The following DSCAM variants were observed in gnomAD, a reference collection of about 807,000 sequenced individuals.
The protein encoded by DSCAM is cell adhesion molecule DSCAM.
Under a neutral mutation model 217.7 loss-of-function variants are expected in DSCAM, and 47 were observed. The observed-to-expected ratio is 0.22, with a 90% confidence interval of 0.17 to 0.28. The LOEUF (loss-of-function observed/expected upper bound fraction) is 0.28. Ranked by LOEUF, DSCAM falls within the 10% of genes least tolerant of loss-of-function variation. The pLI, the probability that DSCAM is intolerant of heterozygous loss-of-function variation, is 1.00. For missense variants in DSCAM, 2,080 were observed against 2,618.3 expected (o/e 0.79, Z 4.49); for synonymous variants, 1,056 against 1,015.3 (o/e 1.04, Z -0.76).
chr21:40,244,739 C>A (rs2073199671), intron 11 of DSCAM, among the ~76,000 whole-genome samples: 1 of 152,088 alleles, frequency 6.6e-6, no homozygotes, highest in South Asian at 2.1e-4. Flanking sequence ...GAAACGTGAG[C>A]CAGAAAAGCC....
At chr21:40,370,984 T>C (rs2074891970) in intron 3 of DSCAM, among the ~76,000 whole-genome samples, 1 of 152,006 alleles carries the variant, frequency 6.6e-6, no homozygotes, top group Non-Finnish European at 1.5e-5. Context: ...TAGGAGTAAT[T>C]CCAAAGAACA....
chr21:40,609,861 T>C (rs1339799872), intron 3 of DSCAM, among the ~76,000 whole-genome samples: 3 of 152,200 alleles, frequency 2.0e-5, no homozygotes, highest in Non-Finnish European at 4.4e-5. Context: ...GGGCAGATGG[T>C]GGTGAGACTA....
At chr21:40,246,376 A>G (rs1419633406) in intron 11 of DSCAM, among the ~76,000 whole-genome samples, 4 of 147,182 alleles carry the variant, frequency 2.7e-5, no homozygotes, top group Admixed American at 6.8e-5. Flanking sequence ...AAAAAAAAAA[A>G]AAAAAAAAAA....
chr21:40,423,851 C>A (rs2075448015), intron 3 of DSCAM, among the ~76,000 whole-genome samples: 1 of 152,082 alleles, frequency 6.6e-6, no homozygotes, highest in Non-Finnish European at 1.5e-5. Flanking sequence ...TGCTATCAGT[C>A]TTAATGGGCA....
chr21:40,698,636 G>A (rs912112774), intron 2 of DSCAM, among the ~76,000 whole-genome samples: 5 of 152,110 alleles, frequency 3.3e-5, no homozygotes, highest in Admixed American at 6.5e-5. Context: ...TTGTGAGGCC[G>A]AGGTGGGCAG....
intron 3 of DSCAM, among the ~76,000 whole-genome samples, chr21:40,604,038 C>T (rs995426553): frequency 1.4e-5 from 2 of 146,186 alleles, no homozygotes; most frequent in African/African-American, 2.5e-5. Context: ...GCTCCCTTTT[C>T]TCCTTTTTCT....
chr21:40,736,697 G>A (rs1382784025), intron 1 of DSCAM, among the ~76,000 whole-genome samples: 4 of 152,186 alleles, frequency 2.6e-5, no homozygotes, highest in Non-Finnish European at 5.9e-5. Flanking sequence ...AGGAGCTCCT[G>A]TGTCAAGAAC....
chr21:40,598,969 C>G (rs2077042552), intron 3 of DSCAM, among the ~76,000 whole-genome samples: 1 of 152,134 alleles, frequency 6.6e-6, no homozygotes, highest in African/African-American at 2.4e-5. Flanking sequence ...ATCATCTTTT[C>G]ATATCTTTAT....
intron 1 of DSCAM, among the ~76,000 whole-genome samples, chr21:40,834,320 C>T (rs58485572): frequency 0.12 from 18,269 of 150,698 alleles, 1,165 homozygotes; most frequent in Admixed American, 0.17. Context: ...GGCAGGAGAA[C>T]GGCATGAACC....
intron 11 of DSCAM, among the ~76,000 whole-genome samples, chr21:40,240,993 T>C (rs1350552705): frequency 1.3e-5 from 2 of 152,176 alleles, no homozygotes; most frequent in African/African-American, 4.8e-5. Flanking sequence ...CAACTCCAGA[T>C]GGATTAAAGA....
chr21:40,182,397 G>T (rs1246490217), intron 14 of DSCAM, among the ~76,000 whole-genome samples: 2 of 151,974 alleles, frequency 1.3e-5, no homozygotes, highest in African/African-American at 4.8e-5. Context: ...GTGTTTCCTG[G>T]TTACCTTTCA....
intron 1 of DSCAM, among the ~76,000 whole-genome samples, chr21:40,776,522 T>G (rs2123409488): frequency 6.6e-6 from 1 of 152,268 alleles, no homozygotes; most frequent in South Asian, 2.1e-4. Context: ...GTTGCAGTTG[T>G]GGAGCAGGGG....
At chr21:40,782,004 A>AAAG (rs1555888306) in intron 1 of DSCAM, among the ~76,000 whole-genome samples, 11 of 149,740 alleles carry the variant, frequency 7.3e-5, no homozygotes, top group Admixed American at 2.0e-4. Context: ...AAAAAAAAAA[A>AAAG]AAAAAAGAAA....
At chr21:40,485,237 C>CTTTTTT (rs59901955) in intron 3 of DSCAM, among the ~76,000 whole-genome samples, 2 of 108,186 alleles carry the variant, frequency 1.8e-5, no homozygotes, top group African/African-American at 3.7e-5. Flanking sequence ...GACTTTCTTT[C>CTTTTTT]TTTTTTTTTT....
rs143294709 is a variant in DSCAM at position 40,422,041 on chromosome 21, A to G, written c.509-52796T>C. ...ATTGACACAACTGCTATCTTTCTAT[A>G]AACTTAGACAAGGGATGGCAATTAT... On this transcript the variant is annotated intron_variant, in intron 3 of 32. Transcript: ENST00000400454. Among the ~76,000 whole-genome samples, 13 of 152,314 alleles carry G rather than the reference A, an allele frequency of 8.5e-5. No homozygotes were observed. In the East Asian group the frequency reaches 2.5e-3, roughly 29 times the overall value.
intron 12 of DSCAM, 58 bp from the exon 13 acceptor site, chr21:40,188,045 G>GT (rs2090914250): frequency 3.0e-6 from 4 of 1,353,532 alleles, no homozygotes; most frequent in African/African-American, 1.4e-5. Context: ...ACTTTGAGCC[G>GT]TAAAGCTCTC....
rs1472602440 is a variant in DSCAM at position 40,817,476 on chromosome 21, A to G, written c.43+29143T>C. Among the ~76,000 whole-genome samples the G allele has an allele frequency of 2.0e-5, 3 of 152,242 alleles. No individual in the cohort carries two copies. The East Asian group carries it at 5.8e-4, about 29-fold the overall frequency. On this transcript the variant is annotated intron_variant, in intron 1 of 32. Transcript: ENST00000400454. ...AAGCAGGATGAAATCCCCTGGAAGA[A>G]GAATATGACATCACAGGAGTAATGT...
intron 4 of DSCAM, among the ~76,000 whole-genome samples, chr21:40,363,973 A>G (rs1385612851): frequency 2.0e-5 from 3 of 152,178 alleles, no homozygotes; most frequent in South Asian, 4.1e-4. Context: ...CAAAACCACA[A>G]TGAGATACCA....
chr21:40,720,421 A>G (rs2146505855), intron 1 of DSCAM, among the ~76,000 whole-genome samples: 1 of 152,340 alleles, frequency 6.6e-6, no homozygotes, highest in African/African-American at 2.4e-5. Flanking sequence ...AATGACTTGG[A>G]AAGCATTCCA....
Sources: allele counts gnomAD v4.1 joint callset (sites outside exome capture counted in the v4.1 genomes callset), GRCh38; gene constraint gnomAD v4.1.1; transcripts MANE v1.5; gene names NCBI Gene and HGNC (gene_info 2026-07-23, HGNC 2026-07-21).